SLC7A11: variants seen among roughly 807,000 people sequenced by gnomAD.
The protein encoded by SLC7A11 is cystine/glutamate transporter.
SLC7A11 carries 35 observed loss-of-function variants against 54.5 expected under a neutral mutation model. That is an observed-to-expected ratio of 0.64 (90% confidence interval 0.49 to 0.85). The LOEUF is 0.85. SLC7A11 is among the 40% of genes least tolerant of loss of function. The pLI, the probability that SLC7A11 is intolerant of heterozygous loss-of-function variation, is 0.00. For missense variants in SLC7A11, 583 were observed against 618.1 expected (o/e 0.94, Z 0.60); for synonymous variants, 230 against 225.2 (o/e 1.02, Z -0.19).
intron 7 of SLC7A11, among the ~76,000 whole-genome samples, chr4:138,183,715 G>A (rs1736805147): frequency 6.6e-6 from 1 of 152,082 alleles, no homozygotes; most frequent in Non-Finnish European, 1.5e-5. Context: ...GAAATACACT[G>A]AGAAGTATTA....
At chr4:138,237,081 G>A (rs1166731676) in intron 1 of SLC7A11, among the ~76,000 whole-genome samples, 3 of 150,652 alleles carry the variant, frequency 2.0e-5, no homozygotes, top group Non-Finnish European at 4.4e-5. Flanking sequence ...TGCCTCCTGG[G>A]TTCACACCAT....
At chr4:138,191,197 T>A (rs1229820171) in intron 6 of SLC7A11, among the ~76,000 whole-genome samples, 1 of 152,158 alleles carries the variant, frequency 6.6e-6, no homozygotes, top group African/African-American at 2.4e-5. Flanking sequence ...CTGAACAAAG[T>A]GATGGGCCGA....
chr4:138,213,141 T>G (rs1211717686), intron 6 of SLC7A11, among the ~76,000 whole-genome samples: 1 of 152,066 alleles, frequency 6.6e-6, no homozygotes, highest in Non-Finnish European at 1.5e-5. Context: ...CATTTCCAAG[T>G]AACGCTTAGA....
At chr4:138,224,330 C>T (rs560224933) in intron 3 of SLC7A11, among the ~76,000 whole-genome samples, 5 of 152,256 alleles carry the variant, frequency 3.3e-5, no homozygotes, top group African/African-American at 1.2e-4. Context: ...CAACCCAAAA[C>T]ACTACTTTAT....
intron 6 of SLC7A11, among the ~76,000 whole-genome samples, chr4:138,211,868 C>T (rs1737558526): frequency 6.6e-6 from 1 of 151,658 alleles, no homozygotes; most frequent in South Asian, 2.1e-4. Flanking sequence ...ATGATGGTTA[C>T]CTAGGTTATA....
At chr4:138,234,833 T>G (rs1353043651) in intron 2 of SLC7A11, among the ~76,000 whole-genome samples, 1 of 152,208 alleles carries the variant, frequency 6.6e-6, no homozygotes, top group Non-Finnish European at 1.5e-5. Context: ...TCCAACTGTA[T>G]TAAGCTCCAA....
intron 6 of SLC7A11, among the ~76,000 whole-genome samples, chr4:138,192,059 G>T (rs1461613062): frequency 6.6e-6 from 1 of 151,812 alleles, no homozygotes; most frequent in African/African-American, 2.4e-5. Context: ...TCAGGATTTG[G>T]TCTACACAAC....
intron 6 of SLC7A11, among the ~76,000 whole-genome samples, chr4:138,201,637 G>A (rs1737288416): frequency 2.0e-5 from 3 of 152,014 alleles, no homozygotes; most frequent in African/African-American, 7.2e-5. Flanking sequence ...TTTTCTCAAA[G>A]CCAACAGTCA....
chr4:138,203,392 T>G (rs1737334288), intron 6 of SLC7A11, among the ~76,000 whole-genome samples: 1 of 152,126 alleles, frequency 6.6e-6, no homozygotes, highest in African/African-American at 2.4e-5. Flanking sequence ...TATTCTTATT[T>G]AATTAAATCC....
chr4:138,230,405 A>G (rs1738046131), intron 3 of SLC7A11, among the ~76,000 whole-genome samples: 1 of 114,106 alleles, frequency 8.8e-6, no homozygotes, highest in Non-Finnish European at 1.9e-5. Context: ...TGAACTCAAA[A>G]TGAAAGCTAA....
intron 3 of SLC7A11, among the ~76,000 whole-genome samples, chr4:138,230,514 T>A (rs903933307): frequency 2.6e-5 from 4 of 152,110 alleles, no homozygotes; most frequent in Non-Finnish European, 5.9e-5. Flanking sequence ...TAATAGATTA[T>A]CTTTTCATAG....
rs772583202 is a variant in SLC7A11 at position 138,236,356 on chromosome 4, C to G, written c.373G>C (p.Val125Leu). The change falls in exon 2 of 12, where the codon GTA (valine) becomes CTA (leucine). Residue 125 changes from valine (V) to leucine (L), a missense_variant. Val to Leu is a conservative substitution (Grantham distance 32). Transcript: ENST00000280612. ...ATGAGGAGTTCCACCCAGACTCGTA[C>G]AAAAGCTGGTAATGGACCAAAGACT... Reference protein sequence around the residue: ...LEVFGPLPAFVRVWVELLIIR... With the variant: ...LEVFGPLPAFLRVWVELLIIR... The G allele has an allele frequency of 1.2e-6, 2 of 1,613,246 alleles. No individual in the cohort carries two copies. The highest frequency in any genetic ancestry group is 1.7e-5 in the Admixed American group (1 of 59,930).
intron 6 of SLC7A11, among the ~76,000 whole-genome samples, chr4:138,211,803 TG>T (rs112963655): frequency 0.018 from 2,692 of 152,026 alleles, 44 homozygotes; most frequent in African/African-American, 0.045. Context: ...AAATATTGTA[TG>T]TTTTCACTCA....
At chr4:138,180,516 G>C in intron 10 of SLC7A11, 125 bp downstream of exon 10, 1 of 927,670 alleles carries the variant, frequency 1.1e-6, no homozygotes, top group Non-Finnish European at 1.6e-6. Context: ...GCCTGCAAGA[G>C]TTAAACATTT....
At chr4:138,220,034 G>T (rs1737773379) in intron 4 of SLC7A11, among the ~76,000 whole-genome samples, 1 of 151,422 alleles carries the variant, frequency 6.6e-6, no homozygotes, top group Non-Finnish European at 1.5e-5. Context: ...CCGCCTCCTG[G>T]GTTCAAGTGA....
rs1243583530 is a variant in SLC7A11, at chr4:138,164,555, G to GATAA, written c.*7397_*7400dup. 6.6e-6 allele frequency: 1 copy of GATAA among 152,102 alleles called. No homozygotes were observed. The highest frequency in any genetic ancestry group is 6.6e-5 in the Admixed American group (1 of 15,262). 9.4% of individuals were successfully genotyped at this position (152,102 alleles called of 1,614,324 possible). On this transcript the variant is annotated 3_prime_UTR_variant, in exon 12 of 12. Coordinates refer to ENST00000280612, the MANE Select transcript of SLC7A11 (RefSeq NM_014331.4). ...TCTCTGCACCATTTATATCTTCATA[G>GATAA]ATAAATATCTTAGTTCTAATATGAT...
intron 8 of SLC7A11, 47 bp downstream of exon 8, chr4:138,183,155 A>G: frequency 7.5e-7 from 1 of 1,335,732 alleles, no homozygotes; most frequent in Non-Finnish European, 1.1e-6. Flanking sequence ...ATCACATCCA[A>G]TCTCAAAAAC....
rs760898836 is a variant in SLC7A11 at position 138,183,262 on chromosome 4, G to C, written c.959C>G (p.Pro320Arg). 4 of 1,611,948 alleles carry C rather than the reference G, an allele frequency of 2.5e-6. No individual in the cohort carries two copies. The highest frequency in any genetic ancestry group is 2.5e-6 in the Non-Finnish European group (3 of 1,178,902). The change falls in exon 8 of 12, where the codon CCG becomes CGG. Residue 320 changes from proline to arginine, a missense_variant. Coordinates refer to ENST00000280612, the MANE Select transcript of SLC7A11 (RefSeq NM_014331.4). ...AAAGCAGGAGAGGGCAACAAAGATC[G>C]GAACTGCTAATGAGAAATTTCCCAG... is the stretch of plus-strand genomic sequence containing the variant. ...RLLGNFSLAV[P>R]IFVALSCFGS...
intron 1 of SLC7A11, among the ~76,000 whole-genome samples, chr4:138,237,205 T>C (rs988267290): frequency 4.0e-5 from 6 of 151,866 alleles, no homozygotes; most frequent in African/African-American, 1.4e-4. Context: ...GCCAGGATGG[T>C]CTCAATCTCC....
Sources: allele counts gnomAD v4.1 joint callset (sites outside exome capture counted in the v4.1 genomes callset), GRCh38; gene constraint gnomAD v4.1.1; transcripts MANE v1.5; gene names NCBI Gene and HGNC (gene_info 2026-07-23, HGNC 2026-07-21).